Variants in SPIDR observed in about 807,000 individuals in gnomAD.
SPIDR encodes the protein DNA repair-scaffolding protein.
A neutral mutation model predicts 104.6 loss-of-function variants in SPIDR; 93 were observed. That is an observed-to-expected ratio of 0.89 (90% CI 0.75 to 1.06). SPIDR has a LOEUF of 1.06. Among genes scored for constraint, SPIDR ranks in the 50% least tolerant of loss-of-function variants. The pLI, the probability that SPIDR is intolerant of heterozygous loss-of-function variation, is 0.00. For missense variants in SPIDR, 1,154 were observed against 1,111.2 expected (o/e 1.04, Z -0.55); for synonymous variants, 431 against 416.9 (o/e 1.03, Z -0.41).
chr8:47,364,509 A>C (rs1453472337), intron 5 of SPIDR, among the ~76,000 whole-genome samples: 1 of 152,198 alleles, frequency 6.6e-6, no homozygotes, highest in Non-Finnish European at 1.5e-5. Flanking sequence ...AACCTACCCC[A>C]GAAGGAGGGA....
At chr8:47,699,818 G>C (rs924723115) in intron 11 of SPIDR, among the ~76,000 whole-genome samples, 1 of 152,216 alleles carries the variant, frequency 6.6e-6, no homozygotes, top group Non-Finnish European at 1.5e-5. Context: ...GCCTCCCAAA[G>C]TGCTGGGATT....
At chr8:47,631,599 T>A (rs775761367) in intron 10 of SPIDR, among the ~76,000 whole-genome samples, 28 of 152,288 alleles carry the variant, frequency 1.8e-4, no homozygotes, top group Non-Finnish European at 4.0e-4. Context: ...TAAAACAGAT[T>A]TGGATTTTAT....
At chr8:47,368,325 C>CAGAAGGAG (rs1184187029) in intron 5 of SPIDR, among the ~76,000 whole-genome samples, 2 of 98,510 alleles carry the variant, frequency 2.0e-5, no homozygotes, top group African/African-American at 8.1e-5. Context: ...TTAACAGAGT[C>CAGAAGGAG]AGAAGGAGTT....
At chr8:47,440,884 A>G (rs111344157) in intron 8 of SPIDR, among the ~76,000 whole-genome samples, 14 of 152,222 alleles carry the variant, frequency 9.2e-5, no homozygotes, top group Non-Finnish European at 1.5e-4. Flanking sequence ...CAGTAGGATA[A>G]CACACATTAA....
At chr8:47,396,949 C>G (rs1554658961) in intron 6 of SPIDR, among the ~76,000 whole-genome samples, 1 of 151,948 alleles carries the variant, frequency 6.6e-6, no homozygotes, top group African/African-American at 2.4e-5. Context: ...TAAATCGTGT[C>G]AGATTACTTT....
intron 12 of SPIDR, 28 bp from the exon 13 acceptor site, chr8:47,701,693 A>G (rs373886923): frequency 9.0e-5 from 145 of 1,605,898 alleles, no homozygotes; most frequent in Non-Finnish European, 1.1e-4. Flanking sequence ...CAATACATTC[A>G]CCTTCTACCT....
intron 5 of SPIDR, among the ~76,000 whole-genome samples, chr8:47,385,205 T>C (rs1200845887): frequency 6.6e-6 from 1 of 152,226 alleles, no homozygotes; most frequent in Non-Finnish European, 1.5e-5. Context: ...CTGTTCTGTG[T>C]ATATAAGAAT....
chr8:47,673,274 C>T (rs1450258441), intron 10 of SPIDR, among the ~76,000 whole-genome samples: 1 of 152,198 alleles, frequency 6.6e-6, no homozygotes, highest in Non-Finnish European at 1.5e-5. Context: ...AGCTGGGACA[C>T]CAGGTTTTAT....
chr8:47,591,655 A>C (rs940292840), intron 8 of SPIDR, among the ~76,000 whole-genome samples: 1 of 152,120 alleles, frequency 6.6e-6, no homozygotes, highest in South Asian at 2.1e-4. Flanking sequence ...CATCTACAGC[A>C]TCTAAATAAA....
At chr8:47,330,661 T>C (rs2048502287) in intron 5 of SPIDR, 1 of 419,310 alleles carries the variant, frequency 2.4e-6, no homozygotes, top group Non-Finnish European at 4.8e-6. Context: ...TATTGAACTT[T>C]CCTCCATGTC....
At chr8:47,331,024 G>A (rs574220436) in intron 5 of SPIDR, 7 of 301,402 alleles carry the variant, frequency 2.3e-5, no homozygotes, top group Admixed American at 4.1e-5. Flanking sequence ...TGGTGTCAGT[G>A]TTAGGAATTT....
rs1321256370 is a variant in SPIDR, at chr8:47,701,731, A to G, written c.1784A>G (p.His595Arg). Residue 595 changes from histidine to arginine, a missense_variant, in exon 13 of 20, where the codon CAT becomes CGT. Physicochemically the swap from His to Arg is conservative, Grantham distance 29. Transcript: ENST00000297423. ...GTCTCATTTAAACAGATAAAAACTC[A>G]TCTGCCTCCTCCAGCCTTGTGTTAC... Reference protein sequence around the residue: ...RDQPCEEIKTHLPPPALCYIL... With the variant: ...RDQPCEEIKTRLPPPALCYIL... The G allele has an allele frequency of 6.2e-6, 10 of 1,613,990 alleles. No homozygotes were observed. Among genetic ancestry groups the G allele is most frequent in the Non-Finnish European group, 6.8e-6 (8 of 1,180,022 alleles).
chr8:47,574,339 TG>T (rs1273462640), intron 8 of SPIDR, among the ~76,000 whole-genome samples: 2 of 152,254 alleles, frequency 1.3e-5, no homozygotes, highest in African/African-American at 4.8e-5. Flanking sequence ...TCATTTGATT[TG>T]TTTTTTTCCC....
intron 5 of SPIDR, among the ~76,000 whole-genome samples, chr8:47,382,195 G>T (rs568107392): frequency 6.6e-6 from 1 of 152,276 alleles, no homozygotes; most frequent in East Asian, 1.9e-4. Context: ...GACCCTACAC[G>T]TGTAGACTGT....
intron 8 of SPIDR, among the ~76,000 whole-genome samples, chr8:47,450,026 C>T (rs184670723): frequency 2.0e-5 from 3 of 152,134 alleles, no homozygotes; most frequent in East Asian, 1.9e-4. Context: ...TAGCCAGGCA[C>T]GATGGTGCAT....
At chr8:47,732,011 A>G in intron 19 of SPIDR, 1 of 636,246 alleles carries the variant, frequency 1.6e-6, no homozygotes, top group Non-Finnish European at 2.8e-6. Context: ...GCTCCATGCT[A>G]CTCAGAAGGG....
At chr8:47,271,219 A>G (rs1162285684) in intron 1 of SPIDR, among the ~76,000 whole-genome samples, 1 of 152,100 alleles carries the variant, frequency 6.6e-6, no homozygotes, top group African/African-American at 2.4e-5. Context: ...ATTTTATGCT[A>G]TTTGGAGTTT....
chr8:47,735,111 G>GGTGTGTGT (rs202076247), intron 19 of SPIDR, among the ~76,000 whole-genome samples, 196 bp from the exon 20 acceptor site: 97 of 135,252 alleles, frequency 7.2e-4, no homozygotes, highest in African/African-American at 2.7e-3. Flanking sequence ...TGTGTGTGTG[G>GGTGTGTGT]GTGTGTGTGT....
intron 11 of SPIDR, among the ~76,000 whole-genome samples, chr8:47,696,407 G>A (rs892585423): frequency 6.6e-6 from 1 of 152,012 alleles, no homozygotes; most frequent in African/African-American, 2.4e-5. Flanking sequence ...CCTTTATAAT[G>A]TTTAGAGTAT....
Sources: gnomAD v4.1 joint callset for allele counts (sites outside exome capture counted in the v4.1 genomes callset) on GRCh38, gnomAD v4.1.1 for gene constraint, MANE v1.5 for transcripts, NCBI Gene and HGNC (gene_info 2026-07-23, HGNC 2026-07-21) for gene names.